PDE8A: variants seen among roughly 807,000 people sequenced by gnomAD.
The protein encoded by PDE8A is phosphodiesterase 8A, also known as high affinity cAMP-specific and IBMX-insensitive 3',5'-cyclic phosphodiesterase 8A.
In PDE8A, 59 loss-of-function variants were observed where a neutral mutation model predicts 105.0. The ratio of observed to expected loss-of-function variants is 0.56; its 90% CI spans 0.46 to 0.70. PDE8A has a LOEUF of 0.70. Ranked by LOEUF, PDE8A falls within the 30% of genes least tolerant of loss-of-function variation. The probability of loss-of-function intolerance (pLI) is 0.00; values close to 1 mark genes in which losing one functional copy is unlikely to be tolerated. For missense variants in PDE8A, 1,014 were observed against 1,045.9 expected (o/e 0.97, Z 0.42); for synonymous variants, 355 against 371.9 (o/e 0.95, Z 0.52).
At chr15:84,998,484 G>T (rs2080014893) in intron 1 of PDE8A, among the ~76,000 whole-genome samples, 1 of 152,226 alleles carries the variant, frequency 6.6e-6, no homozygotes, top group South Asian at 2.1e-4. Context: ...GTCATTAGAG[G>T]AGTTGCTAGA....
intron 3 of PDE8A, among the ~76,000 whole-genome samples, chr15:85,073,385 C>T (rs1289743244): frequency 6.6e-6 from 1 of 152,192 alleles, no homozygotes; most frequent in Non-Finnish European, 1.5e-5. Context: ...CCCAGTATGT[C>T]TCTACCTTTT....
intron 6 of PDE8A, among the ~76,000 whole-genome samples, chr15:85,087,569 T>TC (rs1234766542): frequency 6.6e-6 from 1 of 152,218 alleles, no homozygotes; most frequent in African/African-American, 2.4e-5. Context: ...TTCTTTTTTT[T>TC]CATCTTCTGA....
At chr15:85,125,635 C>G (rs1318984958) in intron 19 of PDE8A, among the ~76,000 whole-genome samples, 2 of 152,270 alleles carry the variant, frequency 1.3e-5, no homozygotes, top group East Asian at 1.9e-4. Context: ...ACCATTAGAT[C>G]TTCTTGTGAG....
intron 19 of PDE8A, among the ~76,000 whole-genome samples, chr15:85,124,473 T>C (rs2082229216): frequency 1.3e-5 from 2 of 152,156 alleles, no homozygotes; most frequent in South Asian, 4.1e-4. Context: ...TCCTGAGATA[T>C]TTGCCACACA....
chr15:85,115,687 C>T lies in PDE8A; in HGVS notation c.1399+200C>T, dbSNP rs12904058. The T allele has an allele frequency of 9.0e-3, 4,861 of 539,582 alleles. 32 individuals are homozygous for T. Among genetic ancestry groups the T allele is most frequent in the Middle Eastern group, 0.014 (29 of 2,054 alleles). The allele number at this position is 539,582 out of a possible 1,614,324, so 33.4% of individuals were successfully genotyped here. ...GGCCGGGAGCGGTGGCTCACACCGCCGAGATGGGCAGATCACAAGGTCAGG... is the reference window on the plus strand; with the variant it reads ...GGCCGGGAGCGGTGGCTCACACCGCTGAGATGGGCAGATCACAAGGTCAGG... On this transcript the variant is annotated intron_variant, in intron 15 of 21. Transcript: ENST00000394553.
upstream of PDE8A, among the ~76,000 whole-genome samples, chr15:84,981,227 G>A (rs563949443): frequency 7.2e-4 from 109 of 152,316 alleles, 1 homozygote; most frequent in Middle Eastern, 3.4e-3. Context: ...AGCCCAGTCG[G>A]GCGCCCCGCC....
At chr15:85,126,411 G>C (rs917364769) in intron 20 of PDE8A, 37 bp downstream of exon 20, 14 of 1,443,476 alleles carry the variant, frequency 9.7e-6, no homozygotes, top group Non-Finnish European at 1.2e-5. Flanking sequence ...TAGAGAGAGA[G>C]AGAGTTAAAA....
chr15:85,005,196 G>T (rs529575403), intron 1 of PDE8A, among the ~76,000 whole-genome samples: 1 of 152,250 alleles, frequency 6.6e-6, no homozygotes, highest in South Asian at 2.1e-4. Context: ...CATGATCACA[G>T]CTTGAGCTCC....
At chr15:85,129,569 T>G (rs1355280741) in intron 20 of PDE8A, among the ~76,000 whole-genome samples, 1 of 152,238 alleles carries the variant, frequency 6.6e-6, no homozygotes, top group African/African-American at 2.4e-5. Flanking sequence ...TGTTCCCACT[T>G]TCATTCTGAT....
At chr15:85,024,640 G>A (rs1039345234) in intron 1 of PDE8A, among the ~76,000 whole-genome samples, 1 of 152,072 alleles carries the variant, frequency 6.6e-6, no homozygotes, top group Non-Finnish European at 1.5e-5. Context: ...CTCAGCAGAG[G>A]GGGTCAAAAG....
In PDE8A at chr15:85,040,628, T is replaced by C. The variant is rs182502727; in HGVS notation, c.187-23742T>C. Among the ~76,000 whole-genome samples the C allele has an allele frequency of 2.0e-5, 3 of 150,964 alleles. No homozygotes were observed. In the East Asian group the frequency reaches 5.8e-4, roughly 29 times the overall value. ...CAGGCAGGAGTGCAGTGGTGCAATCTTGGCTCACTGCAAGCTCTGCCTCCC... is the reference window on the plus strand; with the variant it reads ...CAGGCAGGAGTGCAGTGGTGCAATCCTGGCTCACTGCAAGCTCTGCCTCCC... On this transcript the variant is annotated intron_variant, in intron 1 of 21. Transcript: ENST00000394553.
At chr15:85,083,678 C>T (rs781703727) in intron 6 of PDE8A, 34 bp downstream of exon 6, 10 of 1,339,430 alleles carry the variant, frequency 7.5e-6, no homozygotes, top group Non-Finnish European at 1.1e-5. Context: ...CCCTCCAGGC[C>T]ATACAGGGCA....
At chr15:84,998,297 T>G (rs1267433082) in intron 1 of PDE8A, among the ~76,000 whole-genome samples, 3 of 152,208 alleles carry the variant, frequency 2.0e-5, no homozygotes, top group Non-Finnish European at 4.4e-5. Context: ...TCATGGCACC[T>G]TTTATATTCA....
At chr15:85,018,548 T>G (rs551755772) in intron 1 of PDE8A, among the ~76,000 whole-genome samples, 47 of 152,108 alleles carry the variant, frequency 3.1e-4, no homozygotes, top group Non-Finnish European at 5.6e-4. Context: ...TCACATCATC[T>G]TTTTTTTAGT....
intron 20 of PDE8A, among the ~76,000 whole-genome samples, chr15:85,127,840 G>A (rs951183647): frequency 2.0e-4 from 31 of 151,980 alleles, no homozygotes; most frequent in African/African-American, 6.5e-4. Context: ...GAAGGACCTT[G>A]AATAAGCAAA....
chr15:85,027,368 TAAAG>T (rs757382321), intron 1 of PDE8A, among the ~76,000 whole-genome samples: 212 of 152,268 alleles, frequency 1.4e-3, no homozygotes, highest in Non-Finnish European at 2.6e-3. Flanking sequence ...TTCATAATAA[TAAAG>T]AGACAGCTAC....
upstream of PDE8A, among the ~76,000 whole-genome samples, chr15:84,980,992 C>A (rs1028172257): frequency 7.2e-5 from 11 of 152,200 alleles, no homozygotes; most frequent in African/African-American, 2.4e-4. Context: ...CCACCCGGGA[C>A]CCGGCGCGCG....
At chr15:85,074,718 A>C (rs1242251151) in intron 3 of PDE8A, among the ~76,000 whole-genome samples, 3 of 152,234 alleles carry the variant, frequency 2.0e-5, no homozygotes, top group Non-Finnish European at 4.4e-5. Flanking sequence ...TCTCTTACGC[A>C]TCTGGAATGG....
At chr15:85,092,995 A>C (rs1457856127) in intron 8 of PDE8A, among the ~76,000 whole-genome samples, 1 of 148,430 alleles carries the variant, frequency 6.7e-6, no homozygotes, top group African/African-American at 2.5e-5. Flanking sequence ...AACAGCCTTG[A>C]CCTCCTGGGC....
Sources: allele counts gnomAD v4.1 joint callset (sites outside exome capture counted in the v4.1 genomes callset), GRCh38; gene constraint gnomAD v4.1.1; transcripts MANE v1.5; gene names NCBI Gene and HGNC (gene_info 2026-07-23, HGNC 2026-07-21).